ZBTB16: variants seen among roughly 807,000 people sequenced by gnomAD.
ZBTB16 encodes the protein zinc finger and BTB domain-containing protein 16.
Under a neutral mutation model 56.8 loss-of-function variants are expected in ZBTB16, and 8 were observed. The ratio of observed to expected loss-of-function variants is 0.14; its 90% CI spans 0.08 to 0.25. ZBTB16 has a LOEUF of 0.25. ZBTB16 is among the 10% of genes least tolerant of loss of function. The pLI is 1.00. For synonymous variants in ZBTB16, 363 were observed against 368.5 expected, an observed-to-expected ratio of 0.98 and a Z score of 0.17; for missense variants, 625 against 903.0, an observed-to-expected ratio of 0.69 and a Z score of 3.95.
intron 2 of ZBTB16, among the ~76,000 whole-genome samples, chr11:114,125,824 T>C (rs1384193289): frequency 3.9e-5 from 6 of 152,186 alleles, no homozygotes; most frequent in African/African-American, 7.2e-5. Flanking sequence ...ACGGTCCTAC[T>C]TGACCCCCAT....
At chr11:114,100,887 A>C (rs558848709) in intron 2 of ZBTB16, among the ~76,000 whole-genome samples, 29 of 152,154 alleles carry the variant, frequency 1.9e-4, no homozygotes, top group African/African-American at 6.3e-4. Context: ...GAATCTAGAC[A>C]GCCCCTAGTA....
chr11:114,151,159 A>G (rs576632186), intron 2 of ZBTB16, among the ~76,000 whole-genome samples: 2 of 152,294 alleles, frequency 1.3e-5, no homozygotes, highest in South Asian at 4.1e-4. Flanking sequence ...TGGTCATAGG[A>G]TCAAAAAGCC....
At position 114,167,232 on chromosome 11, in the gene ZBTB16, G is replaced by GTTTTTTTTTTTTTTTTTTTTTTTTT. The variant is rs58946694; in HGVS notation, c.1366+10819_1366+10820insTTTTTTTTTTTTTTTTTTTTTTTTT. ...GGATTTGTGGTTTTTTTTTTTTTTG[G>GTTTTTTTTTTTTTTTTTTTTTTTTT]TTTTTTTTTTTTTTTTTTTTTGACA... On this transcript the variant is annotated intron_variant, in intron 3 of 6. Transcript: ENST00000335953. Among the ~76,000 whole-genome samples, 28 of 88,708 alleles carry GTTTTTTTTTTTTTTTTTTTTTTTTT rather than the reference G, an allele frequency of 3.2e-4. 2 individuals carry two copies. Among genetic ancestry groups the GTTTTTTTTTTTTTTTTTTTTTTTTT allele is most frequent in the Non-Finnish European group, 4.3e-4 (23 of 53,232 alleles). 58.2% of individuals were successfully genotyped at this position (88,708 alleles called of 152,430 possible).
intron 3 of ZBTB16, among the ~76,000 whole-genome samples, chr11:114,167,252 T>TTTGACAAGCTTGG (rs1942797944): frequency 7.4e-6 from 1 of 134,604 alleles, no homozygotes; most frequent in Non-Finnish European, 1.6e-5. Context: ...TTTTTTTTTT[T>TTTGACAAGCTTGG]TGACAAGCTT....
At chr11:114,195,778 G>A (rs7106340) in intron 4 of ZBTB16, among the ~76,000 whole-genome samples, 1 of 152,006 alleles carries the variant, frequency 6.6e-6, no homozygotes, top group African/African-American at 2.4e-5. Context: ...CATCATCCTG[G>A]TCTTCCTCAG....
chr11:114,139,558 C>A (rs181797397), intron 2 of ZBTB16, among the ~76,000 whole-genome samples: 26 of 151,952 alleles, frequency 1.7e-4, no homozygotes, highest in South Asian at 6.2e-4. Flanking sequence ...TTCTCCCCCC[C>A]CAAAGACCAG....
intron 3 of ZBTB16, among the ~76,000 whole-genome samples, chr11:114,179,525 T>C (rs748279063): frequency 6.6e-6 from 1 of 152,210 alleles, no homozygotes; most frequent in Admixed American, 6.5e-5. Context: ...TACTTCCTTA[T>C]GTAAGCAGGC....
At chr11:114,183,110 A>T (rs965109366) in intron 3 of ZBTB16, among the ~76,000 whole-genome samples, 4 of 152,246 alleles carry the variant, frequency 2.6e-5, no homozygotes, top group South Asian at 4.2e-4. Flanking sequence ...CTGGGGGGGA[A>T]GTCAGAGCCT....
In ZBTB16 at chr11:114,080,445, C is replaced by CCT. The variant is rs150621909; in HGVS notation, c.1268+15898_1268+15899dup. ...CACATGCTCGCTCTCGCTGGTGCTC[C>CCT]CTCTCTCTCTCTCTCTCTCTCTGCA... On this transcript the variant is annotated intron_variant, in intron 2 of 6. Coordinates refer to ENST00000335953, the MANE Select transcript of ZBTB16 (RefSeq NM_006006.6). Among the ~76,000 whole-genome samples the CCT allele has an allele frequency of 3.2e-3, 473 of 149,844 alleles. 10 individuals are homozygous for CCT. The East Asian group carries it at 0.055, about 17-fold the overall frequency.
chr11:114,156,945 C>T (rs555457086), intron 3 of ZBTB16, among the ~76,000 whole-genome samples: 65 of 151,884 alleles, frequency 4.3e-4, no homozygotes, highest in Non-Finnish European at 7.4e-4. Flanking sequence ...CCCCACGAGG[C>T]GTGGAATGGG....
intron 4 of ZBTB16, among the ~76,000 whole-genome samples, chr11:114,192,912 C>T (rs1943530889): frequency 6.6e-6 from 1 of 152,224 alleles, no homozygotes; most frequent in South Asian, 2.1e-4. Context: ...GAGCCAGCTG[C>T]CCTCTCAGCC....
intron 2 of ZBTB16, among the ~76,000 whole-genome samples, chr11:114,128,642 G>T (rs55928935): frequency 0.088 from 13,471 of 152,220 alleles, 797 homozygotes; most frequent in East Asian, 0.15. Flanking sequence ...AGCTGTGCTT[G>T]TTGTTCCTGG....
intron 4 of ZBTB16, among the ~76,000 whole-genome samples, chr11:114,227,584 A>T (rs879103197): frequency 6.6e-6 from 1 of 152,202 alleles, no homozygotes; most frequent in African/African-American, 2.4e-5. Context: ...TTTCATTCTG[A>T]CAGGTGGGGA....
At chr11:114,195,305 C>T (rs1565679579) in intron 4 of ZBTB16, among the ~76,000 whole-genome samples, 1 of 152,144 alleles carries the variant, frequency 6.6e-6, no homozygotes. Context: ...GAACCTTCAA[C>T]TCTTTCAGTC....
chr11:114,143,757 G>T lies in ZBTB16; in HGVS notation c.1269-12580G>T, dbSNP rs753045856. Among the ~76,000 whole-genome samples the T allele has an allele frequency of 6.6e-6, 1 of 152,196 alleles. No individual in the cohort carries two copies. The highest frequency in any genetic ancestry group is 1.5e-5 in the Non-Finnish European group (1 of 68,038). On this transcript the variant is annotated intron_variant, in intron 2 of 6. Transcript: ENST00000335953. This position sits in a 1 kb window ranked among gnomAD's most constrained non-coding sequence, Gnocchi z 6.4. Reference sequence around the variant, plus strand: ...ACAGGGCACCCAGGCGGGTAGCACAGGTGGCTTAGCAAATGCAGTCAGAGT... The same window carrying T: ...ACAGGGCACCCAGGCGGGTAGCACATGTGGCTTAGCAAATGCAGTCAGAGT...
chr11:114,186,727 T>C (rs1943369254), intron 3 of ZBTB16, among the ~76,000 whole-genome samples: 1 of 152,174 alleles, frequency 6.6e-6, no homozygotes, highest in African/African-American at 2.4e-5. Context: ...TCTGATTTTG[T>C]TTCTCCTTCT....
chr11:114,163,013 C>T (rs1453612439), intron 3 of ZBTB16, among the ~76,000 whole-genome samples: 4 of 152,168 alleles, frequency 2.6e-5, no homozygotes, highest in African/African-American at 9.7e-5. Context: ...AGATGCGCCT[C>T]CAAGAACACA....
intron 4 of ZBTB16, among the ~76,000 whole-genome samples, chr11:114,236,495 G>A (rs971102548): frequency 2.2e-4 from 33 of 152,108 alleles, no homozygotes; most frequent in African/African-American, 8.0e-4. Flanking sequence ...GAGTGACAAC[G>A]AAGGAGTCCT....
At chr11:114,128,789 T>C (rs1414525214) in intron 2 of ZBTB16, among the ~76,000 whole-genome samples, 1 of 152,086 alleles carries the variant, frequency 6.6e-6, no homozygotes. Context: ...TCCCTAGAGG[T>C]GGGCACACGT....
Sources: gnomAD v4.1 joint callset for allele counts (sites outside exome capture counted in the v4.1 genomes callset) on GRCh38, gnomAD v4.1.1 for gene constraint, Gnocchi (gnomAD v3.1) non-coding constraint, MANE v1.5 for transcripts, NCBI Gene and HGNC (gene_info 2026-07-23, HGNC 2026-07-21) for gene names.